The following FBXO33 variants were observed in gnomAD, a reference collection of about 807,000 sequenced individuals.
FBXO33 encodes F-box only protein 33.
A neutral mutation model predicts 46.3 loss-of-function variants in FBXO33; 22 were observed. The ratio of observed to expected loss-of-function variants is 0.48; its 90% CI spans 0.34 to 0.68. The LOEUF is 0.68. Among genes scored for constraint, FBXO33 ranks in the 30% least tolerant of loss-of-function variants. The pLI, the probability that FBXO33 is intolerant of heterozygous loss-of-function variation, is 0.01. For synonymous variants in FBXO33, 337 were observed against 291.3 expected (o/e 1.16, Z -1.60); for missense variants, 692 against 708.8 (o/e 0.98, Z 0.27).
At chr14:39,404,272 G>A (rs1285152517) in intron 1 of FBXO33, among the ~76,000 whole-genome samples, 1 of 152,102 alleles carries the variant, frequency 6.6e-6, no homozygotes, top group East Asian at 1.9e-4. Flanking sequence ...ACATATCATG[G>A]GCATATTTGA....
intron 1 of FBXO33, among the ~76,000 whole-genome samples, chr14:39,410,965 T>C (rs527458688): frequency 1.4e-5 from 2 of 140,488 alleles, no homozygotes; most frequent in South Asian, 4.4e-4. Context: ...TGTTAGTCCT[T>C]ACTACCGCTT....
At position 39,432,269 on chromosome 14, in the gene FBXO33, A is replaced by G. The variant is rs1049522650; in HGVS notation, c.-107T>C. The stretch of plus-strand genomic sequence containing the variant: ...GCCTCTGCGGGCGTGGCCTGCCGGG[A>G]GCCAGCCTCTGTCTTCTCAAACTCT... On this transcript the variant is annotated 5_prime_UTR_variant, in exon 1 of 4. Coordinates refer to ENST00000298097, the MANE Select transcript of FBXO33 (RefSeq NM_203301.4). The G allele has an allele frequency of 3.1e-6, 3 of 963,198 alleles. No homozygotes were observed. Among genetic ancestry groups the G allele is most frequent in the Non-Finnish European group, 3.9e-6 (3 of 762,546 alleles). 59.7% of individuals were successfully genotyped at this position (963,198 alleles called of 1,614,324 possible).
In FBXO33 at chr14:39,432,042, G is replaced by A; in HGVS notation, c.121C>T (p.Leu41=). The A allele has an allele frequency of 7.7e-7, 1 of 1,293,520 alleles. No individual in the cohort carries two copies. The highest frequency in any genetic ancestry group is 9.8e-7 in the Non-Finnish European group (1 of 1,024,786). The allele number at this position is 1,293,520 out of a possible 1,614,324, so 80.1% of individuals were successfully genotyped here. ...RLQQLRRLRG[L]LRVLRGRPGA... is the part of the protein sequence containing the mutation. ...GGCCGCCCCCGCAGTACCCGGAGCA[G>A]CCCCCGCAGCCGTCGCAGCTGCTGC... Residue 41 remains leucine (L), a synonymous_variant, in exon 1 of 4, where the codon CTG becomes TTG. Transcript: ENST00000298097.
In FBXO33 at chr14:39,399,129, G is replaced by T; in HGVS notation, c.*387C>A. On this transcript the variant is annotated 3_prime_UTR_variant, in exon 4 of 4. Transcript: ENST00000298097. Reference sequence around the variant, plus strand: ...AGTGCATTGCATATAAATCTACCAGGCTATGGATATATATCTATATATGTA... The same window carrying T: ...AGTGCATTGCATATAAATCTACCAGTCTATGGATATATATCTATATATGTA... 6.4e-6 allele frequency: 1 copy of T among 155,518 alleles called. No individual in the cohort carries two copies. The highest frequency in any genetic ancestry group is 1.4e-5 in the Non-Finnish European group (1 of 70,124). The allele number at this position is 155,518 out of a possible 1,614,324, so 9.6% of individuals were successfully genotyped here. A position where few individuals can be genotyped will look rare whatever the true frequency, so the allele number is the denominator to read the frequency against.
At chr14:39,415,963 G>A (rs970164150) in intron 1 of FBXO33, among the ~76,000 whole-genome samples, 5 of 152,136 alleles carry the variant, frequency 3.3e-5, no homozygotes, top group Admixed American at 2.6e-4. Context: ...CATGGTGTCC[G>A]GCCTAATACC....
chr14:39,428,390 G>A (rs1292909343), intron 1 of FBXO33, among the ~76,000 whole-genome samples: 1 of 151,948 alleles, frequency 6.6e-6, no homozygotes, highest in Non-Finnish European at 1.5e-5. Context: ...AAAAGAGATG[G>A]GGTTTTGCCA....
chr14:39,432,014 C>A lies in FBXO33; in HGVS notation c.149G>T (p.Gly50Val). The change falls in exon 1 of 4, where the codon GGA becomes GTA. Residue 50 changes from glycine to valine, a missense_variant. Physicochemically the swap from Gly to Val is moderately radical, Grantham distance 109. This residue lies in a region of FBXO33 where 412 missense variants were observed against 370.8 expected (regional missense o/e 1.11). Coordinates refer to ENST00000298097, the MANE Select transcript of FBXO33 (RefSeq NM_203301.4). ...GLLRVLRGRPGAGSRRRGRMA... is the reference protein window; with the variant it reads ...GLLRVLRGRPVAGSRRRGRMA... ...CCGGCCCCGCCGCCGGCTGCCGGCT[C>A]CCGGCCGCCCCCGCAGTACCCGGAG... is the stretch of plus-strand genomic sequence containing the variant. 7.1e-7 allele frequency: 1 copy of A among 1,409,858 alleles called. No homozygotes were observed. Among genetic ancestry groups the A allele is most frequent in the Non-Finnish European group, 9.1e-7 (1 of 1,093,408 alleles). The allele number at this position is 1,409,858 out of a possible 1,614,324, so 87.3% of individuals were successfully genotyped here.
intron 1 of FBXO33, among the ~76,000 whole-genome samples, chr14:39,417,092 CA>C (rs1407162101): frequency 6.6e-6 from 1 of 152,168 alleles, no homozygotes; most frequent in African/African-American, 2.4e-5. Flanking sequence ...CTTTGGGTAC[CA>C]CACTGAAAGG....
intron 1 of FBXO33, among the ~76,000 whole-genome samples, chr14:39,421,793 CACACACACACACACACACACACACAA>C (rs1384135500): frequency 6.9e-6 from 1 of 144,688 alleles, no homozygotes; most frequent in Non-Finnish European, 1.5e-5. Flanking sequence ...CACACACACA[CACACACACACACACACACACACACAA>C]ACACACGCAC....
At chr14:39,411,534 T>C (rs2075422877) in intron 1 of FBXO33, among the ~76,000 whole-genome samples, 1 of 152,026 alleles carries the variant, frequency 6.6e-6, no homozygotes, top group African/African-American at 2.4e-5. Flanking sequence ...CCCCTTTTTT[T>C]TTCTTGAGAC....
At chr14:39,428,797 G>T (rs1035803117) in intron 1 of FBXO33, among the ~76,000 whole-genome samples, 6 of 152,116 alleles carry the variant, frequency 3.9e-5, no homozygotes, top group Non-Finnish European at 5.9e-5. Flanking sequence ...TTTGTTGTTT[G>T]CACTTCTAGG....
intron 2 of FBXO33, 23 bp downstream of exon 2, chr14:39,402,378 T>C: frequency 1.5e-6 from 2 of 1,300,746 alleles, no homozygotes; most frequent in Non-Finnish European, 2.1e-6. Context: ...TACAACCTCC[T>C]TTCCATTAAC....
chr14:39,416,679 TTC>T (rs1379296442), intron 1 of FBXO33, among the ~76,000 whole-genome samples: 1 of 152,152 alleles, frequency 6.6e-6, no homozygotes, highest in Non-Finnish European at 1.5e-5. Context: ...CAGTATTTGT[TTC>T]TTTTTTATTG....
intron 1 of FBXO33, among the ~76,000 whole-genome samples, chr14:39,407,290 A>G (rs1262550965): frequency 6.6e-6 from 1 of 152,234 alleles, no homozygotes; most frequent in African/African-American, 2.4e-5. Flanking sequence ...ATGGAATGCC[A>G]TGTCTGTTGG....
chr14:39,414,252 T>C (rs555650661), intron 1 of FBXO33, among the ~76,000 whole-genome samples: 1 of 152,320 alleles, frequency 6.6e-6, no homozygotes, highest in African/African-American at 2.4e-5. Flanking sequence ...CAACCTCTAC[T>C]AGCTTCAAGC....
At chr14:39,428,552 T>C (rs2075527341) in intron 1 of FBXO33, among the ~76,000 whole-genome samples, 3 of 152,274 alleles carry the variant, frequency 2.0e-5, no homozygotes, top group African/African-American at 7.2e-5. Flanking sequence ...CTAACAGCAT[T>C]CCACCCAAGA....
At chr14:39,421,978 C>T (rs2075487403) in intron 1 of FBXO33, among the ~76,000 whole-genome samples, 2 of 152,204 alleles carry the variant, frequency 1.3e-5, no homozygotes. Flanking sequence ...TAAATACAGA[C>T]CAGGCACAGT....
intron 1 of FBXO33, among the ~76,000 whole-genome samples, chr14:39,423,585 A>G (rs1295693792): frequency 6.6e-6 from 1 of 152,238 alleles, no homozygotes; most frequent in Non-Finnish European, 1.5e-5. Context: ...ATAAAAATTA[A>G]TGAACAACTA....
Position 39,432,330 on chromosome 14 carries a change from T to A in FBXO33, c.-168A>T. 1 of 425,136 alleles carries A rather than the reference T, an allele frequency of 2.4e-6. No homozygotes were observed. The highest frequency in any genetic ancestry group is 3.7e-6 in the Non-Finnish European group (1 of 271,528). The allele number at this position is 425,136 out of a possible 1,614,324, so 26.3% of individuals were successfully genotyped here. A position where few individuals can be genotyped will look rare whatever the true frequency, so the allele number is the denominator to read the frequency against. On this transcript the variant is annotated 5_prime_UTR_variant, in exon 1 of 4. Transcript: ENST00000298097. ...GTCCGAGGCCGGCACACTGAGTAAC[T>A]GCACTGCCCTCGCTCGTAAACTTCA...
Sources: gnomAD v4.1 joint callset for allele counts (sites outside exome capture counted in the v4.1 genomes callset) on GRCh38, gnomAD v4.1.1 for gene constraint, gnomAD v4.1.1 regional missense constraint, MANE v1.5 for transcripts, NCBI Gene and HGNC (gene_info 2026-07-23, HGNC 2026-07-21) for gene names.